Variants in CAMTA1 observed in about 807,000 individuals in gnomAD.
CAMTA1 encodes the protein calmodulin binding transcription activator 1.
CAMTA1 carries 27 observed loss-of-function variants against 170.9 expected under a neutral mutation model. That is an observed-to-expected ratio of 0.16 (90% CI 0.12 to 0.22). The LOEUF (loss-of-function observed/expected upper bound fraction) is 0.22, where lower values mean the gene tolerates loss of function less well. Among genes scored for constraint, CAMTA1 ranks in the 10% least tolerant of loss-of-function variants. The pLI, the probability that CAMTA1 is intolerant of heterozygous loss-of-function variation, is 1.00. For synonymous variants in CAMTA1, 833 were observed against 891.5 expected (o/e 0.93, Z 1.17); for missense variants, 1,619 against 2,217.2 (o/e 0.73, Z 5.42).
chr1:7,439,409 G>A (rs900715906), intron 5 of CAMTA1, among the ~76,000 whole-genome samples: 3 of 152,120 alleles, frequency 2.0e-5, no homozygotes, highest in Admixed American at 6.5e-5. Context: ...AGGTCAGGCC[G>A]AGTGGACACT....
chr1:7,407,349 T>C (rs1575151858), intron 5 of CAMTA1, among the ~76,000 whole-genome samples: 1 of 152,062 alleles, frequency 6.6e-6, no homozygotes, highest in South Asian at 2.1e-4. Flanking sequence ...GCACAGGCTG[T>C]CTTGGGGGAC....
chr1:7,378,572 G>A (rs2087022709), intron 5 of CAMTA1, among the ~76,000 whole-genome samples: 1 of 152,130 alleles, frequency 6.6e-6, no homozygotes, highest in Non-Finnish European at 1.5e-5. Flanking sequence ...CAGAAAGCGG[G>A]TGGGTGGTTG....
At chr1:7,643,267 G>A (rs2095779547) in intron 7 of CAMTA1, among the ~76,000 whole-genome samples, 1 of 152,214 alleles carries the variant, frequency 6.6e-6, no homozygotes, top group Non-Finnish European at 1.5e-5. Context: ...TGGAAAATGA[G>A]GGCCCCTTTG....
rs570886006 is a variant in CAMTA1, at chr1:7,479,121, A to G, written c.510+11220A>G. Among the ~76,000 whole-genome samples the G allele has an allele frequency of 3.3e-5, 5 of 152,314 alleles. No homozygotes were observed. The South Asian group carries it at 1.0e-3, about 32-fold the overall frequency. ...TGATGTTGGTCTGTGTGGGCGTGTC[A>G]GAGACTCTAGCTCAACAAGGAAGTC... On this transcript the variant is annotated intron_variant, in intron 6 of 22. Transcript: ENST00000303635.
chr1:7,090,228 C>T (rs1641301712), intron 3 of CAMTA1, among the ~76,000 whole-genome samples: 1 of 152,214 alleles, frequency 6.6e-6, no homozygotes, highest in South Asian at 2.1e-4. Flanking sequence ...CCGGGCTTCT[C>T]TTCCTTCTCA....
chr1:7,640,280 G>T, intron 6 of CAMTA1, 120 bp from the exon 7 acceptor site: 6 of 1,096,678 alleles, frequency 5.5e-6, no homozygotes, highest in Non-Finnish European at 7.9e-6. Flanking sequence ...GCAGTGTGAG[G>T]TCAAGAGAGC....
intron 3 of CAMTA1, among the ~76,000 whole-genome samples, chr1:6,896,752 G>A (rs1039443013): frequency 6.6e-6 from 1 of 152,134 alleles, no homozygotes; most frequent in Non-Finnish European, 1.5e-5. Context: ...CCAACTCACT[G>A]AGTCTCAAAT....
rs374858596 is a variant in CAMTA1, at chr1:7,652,883, C to T, written c.665-8843C>T. The stretch of plus-strand genomic sequence containing the variant: ...GCTTGAATCTGCAGCCCCTCCTCAC[C>T]CCCTACGCACCTGCTGTGTGACCTT... On this transcript the variant is annotated intron_variant, in intron 7 of 22. Coordinates refer to ENST00000303635, the MANE Select transcript of CAMTA1 (RefSeq NM_015215.4). Among the ~76,000 whole-genome samples, 159 of 152,294 alleles carry T rather than the reference C, an allele frequency of 1.0e-3. 3 individuals carry two copies. In the South Asian group the frequency reaches 0.024, roughly 23 times the overall value.
At chr1:6,944,507 A>G (rs1687250859) in intron 3 of CAMTA1, among the ~76,000 whole-genome samples, 1 of 152,010 alleles carries the variant, frequency 6.6e-6, no homozygotes, top group Non-Finnish European at 1.5e-5. Flanking sequence ...ACATGGGCAC[A>G]CTGCTGCCTT....
chr1:7,624,796 A>G (rs2095622080), intron 6 of CAMTA1, among the ~76,000 whole-genome samples: 1 of 152,222 alleles, frequency 6.6e-6, no homozygotes, highest in African/African-American at 2.4e-5. Flanking sequence ...CAGCCTGAAG[A>G]TCAGTGGAAA....
chr1:7,358,076 A>G (rs2085261603), intron 5 of CAMTA1, among the ~76,000 whole-genome samples: 1 of 152,164 alleles, frequency 6.6e-6, no homozygotes, highest in South Asian at 2.1e-4. Context: ...GGAGGGGGGG[A>G]ATGGACACGG....
chr1:7,309,393 G>C (rs947439910), intron 5 of CAMTA1, among the ~76,000 whole-genome samples: 1 of 148,498 alleles, frequency 6.7e-6, no homozygotes, highest in Non-Finnish European at 1.5e-5. Flanking sequence ...TCCGCCTCCT[G>C]GGTTCAAGCA....
At chr1:7,197,556 A>G (rs377035461) in intron 4 of CAMTA1, among the ~76,000 whole-genome samples, 20 of 150,510 alleles carry the variant, frequency 1.3e-4, no homozygotes, top group African/African-American at 4.6e-4. Context: ...TGTTTTAGGA[A>G]CCTGCGTGTG....
At chr1:7,637,444 C>T (rs970203335) in intron 6 of CAMTA1, among the ~76,000 whole-genome samples, 1 of 152,218 alleles carries the variant, frequency 6.6e-6, no homozygotes, top group Non-Finnish European at 1.5e-5. Context: ...GAGCCCTCAG[C>T]CCAGACGCGG....
chr1:7,628,393 C>A (rs2095647402), intron 6 of CAMTA1, among the ~76,000 whole-genome samples: 1 of 152,214 alleles, frequency 6.6e-6, no homozygotes, highest in African/African-American at 2.4e-5. Flanking sequence ...ACAAGCTCCA[C>A]CCCTGGACTG....
rs564625545 is a variant in CAMTA1, at chr1:7,253,025, C to T, written c.438+3399C>T. Among the ~76,000 whole-genome samples the T allele has an allele frequency of 5.3e-5, 8 of 152,272 alleles. No homozygotes were observed. The East Asian group carries it at 1.5e-3, about 29-fold the overall frequency. On this transcript the variant is annotated intron_variant, in intron 5 of 22. Coordinates refer to ENST00000303635, the MANE Select transcript of CAMTA1 (RefSeq NM_015215.4). ...AGCTGTTAGGTCCATGATTAGTTGTCTTGTCTGCAAGCCAAGGAGAAGCTA... is the reference window on the plus strand; with the variant it reads ...AGCTGTTAGGTCCATGATTAGTTGTTTTGTCTGCAAGCCAAGGAGAAGCTA...
rs537558589 is a variant in CAMTA1, at chr1:6,918,783, G to A, written c.234+93573G>A. Among the ~76,000 whole-genome samples the A allele has an allele frequency of 1.3e-5, 2 of 152,266 alleles. No homozygotes were observed. The highest frequency in any genetic ancestry group is 2.4e-5 in the African/African-American group (1 of 41,564). On this transcript the variant is annotated intron_variant, in intron 3 of 22. Coordinates refer to ENST00000303635, the MANE Select transcript of CAMTA1 (RefSeq NM_015215.4). The surrounding 1 kb of genome is among the most constrained non-coding windows in gnomAD (Gnocchi z 4.0). ...ACTCAAGTTCAGTCATGCCCACCGC[G>A]TTCCCCCAGCCTGTCACCCTGTGGC...
intron 3 of CAMTA1, among the ~76,000 whole-genome samples, chr1:6,902,723 G>T (rs1014582775): frequency 6.6e-6 from 1 of 152,202 alleles, no homozygotes; most frequent in Admixed American, 6.5e-5. Flanking sequence ...ATGTAGAAAG[G>T]TGTTCAACGT....
intron 4 of CAMTA1, among the ~76,000 whole-genome samples, chr1:7,117,450 C>G (rs146949085): frequency 6.6e-6 from 1 of 152,204 alleles, no homozygotes; most frequent in African/African-American, 2.4e-5. Context: ...ACCTGTGGCC[C>G]GTGTGCTGGT....
Sources: allele counts gnomAD v4.1 joint callset (sites outside exome capture counted in the v4.1 genomes callset), GRCh38; gene constraint gnomAD v4.1.1; non-coding constraint Gnocchi (gnomAD v3.1); transcripts MANE v1.5; gene names NCBI Gene and HGNC (gene_info 2026-07-23, HGNC 2026-07-21).